The following KCNS3 variants were observed in gnomAD, a reference collection of about 807,000 sequenced individuals.
KCNS3 encodes the protein delayed-rectifier potassium channel regulatory subunit KCNS3.
KCNS3 carries 13 observed loss-of-function variants against 31.0 expected under a neutral mutation model. The observed-to-expected ratio is 0.42, with a 90% CI of 0.27 to 0.67. The LOEUF is 0.67. Ranked by LOEUF, KCNS3 falls within the 30% of genes least tolerant of loss-of-function variation. KCNS3 has a pLI of 0.25. For missense variants in KCNS3, 545 were observed against 622.4 expected (o/e 0.88, Z 1.32); for synonymous variants, 238 against 241.5 (o/e 0.99, Z 0.13).
chr2:17,930,200 G>A (rs770857870), intron 2 of KCNS3, among the ~76,000 whole-genome samples: 2 of 152,162 alleles, frequency 1.3e-5, no homozygotes, highest in Non-Finnish European at 2.9e-5. Flanking sequence ...AGTGGAGCGG[G>A]TTTGTGTCAG....
At chr2:17,908,734 C>T (rs1308140342) in intron 1 of KCNS3, among the ~76,000 whole-genome samples, 1 of 152,194 alleles carries the variant, frequency 6.6e-6, no homozygotes, top group Non-Finnish European at 1.5e-5. Flanking sequence ...ACTCCAGACC[C>T]TATTTGCCTG....
chr2:17,878,841 C>G (rs939949647), intron 1 of KCNS3, 35 bp downstream of exon 1: 2 of 152,460 alleles, frequency 1.3e-5, no homozygotes, highest in African/African-American at 4.8e-5. Flanking sequence ...CCTGCGCGCT[C>G]CGGAGACTTC....
chr2:17,905,699 T>C (rs898345645), intron 1 of KCNS3, among the ~76,000 whole-genome samples: 1 of 152,240 alleles, frequency 6.6e-6, no homozygotes. Context: ...AAAGGCCTTT[T>C]CTGCATCTAT....
At position 17,888,653 on chromosome 2, in the gene KCNS3, A is replaced by ATATATC. The variant is rs1558447024; in HGVS notation, c.-252+9852_-252+9853insCTATAT. On this transcript the variant is annotated intron_variant, in intron 1 of 2. Coordinates refer to ENST00000304101, the MANE Select transcript of KCNS3 (RefSeq NM_002252.5). ...TGTATATATATATATATATATATAT[A>ATATATC]TATATATATATATATATATAAAGAA... is the stretch of plus-strand genomic sequence containing the variant. 3.7e-4 allele frequency among the ~76,000 whole-genome samples: 50 copies of ATATATC among 134,196 alleles called. No individual in the cohort carries two copies. In the East Asian group the frequency reaches 0.01, roughly 28 times the overall value. 88.0% of individuals were successfully genotyped at this position (134,196 alleles called of 152,430 possible). A position where few individuals can be genotyped will look rare whatever the true frequency, so the allele number is the denominator to read the frequency against.
chr2:17,908,059 G>C (rs940497204), intron 1 of KCNS3, among the ~76,000 whole-genome samples: 2 of 152,114 alleles, frequency 1.3e-5, no homozygotes, highest in African/African-American at 2.4e-5. Context: ...GAGTGTTTTC[G>C]AACTTGGTTC....
chr2:17,907,496 C>G (rs555255712), intron 1 of KCNS3, among the ~76,000 whole-genome samples: 104 of 152,232 alleles, frequency 6.8e-4, no homozygotes, highest in Middle Eastern at 3.4e-3. Context: ...ATTTGATCCA[C>G]TCCTTATGAT....
At chr2:17,892,896 T>A (rs1661893453) in intron 1 of KCNS3, among the ~76,000 whole-genome samples, 2 of 152,314 alleles carry the variant, frequency 1.3e-5, no homozygotes, top group South Asian at 2.1e-4. Context: ...ATGCTCTATT[T>A]TTTTACTGGT....
At chr2:17,887,796 GT>G (rs1661714188) in intron 1 of KCNS3, among the ~76,000 whole-genome samples, 1 of 152,160 alleles carries the variant, frequency 6.6e-6, no homozygotes, top group Non-Finnish European at 1.5e-5. Context: ...CACCAGCAGT[GT>G]AGAAGTGTCC....
At chr2:17,878,469 C>T (rs563812554), upstream of KCNS3, among the ~76,000 whole-genome samples, 2 of 151,930 alleles carry the variant, frequency 1.3e-5, no homozygotes, top group Non-Finnish European at 2.9e-5. Context: ...GTCCGCCTGT[C>T]TGGCGGTCGG....
At chr2:17,900,837 C>T (rs1315478807) in intron 1 of KCNS3, among the ~76,000 whole-genome samples, 1 of 152,124 alleles carries the variant, frequency 6.6e-6, no homozygotes, top group African/African-American at 2.4e-5. Context: ...TGGTTTGTGA[C>T]AGGCAAGGCT....
chr2:17,910,280 C>T (rs4637119), intron 1 of KCNS3, among the ~76,000 whole-genome samples: 36,689 of 152,090 alleles, frequency 0.24, 5,008 homozygotes, highest in East Asian at 0.46. Flanking sequence ...GGATATGAAG[C>T]TATTCATACT....
intron 1 of KCNS3, among the ~76,000 whole-genome samples, chr2:17,881,432 AT>A (rs1418123146): frequency 6.6e-6 from 1 of 152,116 alleles, no homozygotes; most frequent in East Asian, 1.9e-4. Context: ...TTGACATGTC[AT>A]TTTGCTAATC....
intron 1 of KCNS3, among the ~76,000 whole-genome samples, chr2:17,881,625 ACTT>A (rs1674645327): frequency 6.6e-6 from 1 of 152,230 alleles, no homozygotes; most frequent in Admixed American, 6.5e-5. Flanking sequence ...AAACTGAGTA[ACTT>A]GTACAAGGTC....
At position 17,931,793 on chromosome 2, in the gene KCNS3, C is replaced by G; in HGVS notation, c.785C>G (p.Ser262Cys). ...CCTCTGAACATCATTGACTTTGTCT[C>G]TATTATTCCCTTCTATGCCACGTTG... is the stretch of plus-strand genomic sequence containing the variant. Reference protein sequence around the residue: ...KNPLNIIDFVSIIPFYATLAV... With the variant: ...KNPLNIIDFVCIIPFYATLAV... Residue 262 changes from serine to cysteine, a missense_variant, in exon 3 of 3, where the codon TCT (serine) becomes TGT (cysteine). Ser to Cys is a moderately radical substitution (Grantham distance 112). Transcript: ENST00000304101. The surrounding 1 kb of genome is among the most constrained non-coding windows in gnomAD (Gnocchi z 5.4). 1.2e-6 allele frequency: 2 copies of G among 1,614,146 alleles called. No individual in the cohort carries two copies. Among genetic ancestry groups the G allele is most frequent in the Non-Finnish European group, 1.7e-6 (2 of 1,180,014 alleles).
Position 17,932,108 on chromosome 2 carries a change from G to A in KCNS3, c.1100G>A (p.Ser367Asn), listed in dbSNP as rs1663008681. Residue 367 changes from serine to asparagine, a missense_variant, in exon 3 of 3, where the codon AGC becomes AAC. By Grantham distance (46) the Ser-to-Asn change is conservative (BLOSUM62 1). Coordinates refer to ENST00000304101, the MANE Select transcript of KCNS3 (RefSeq NM_002252.5). ...IPICWWWATI[S>N]MTTVGYGDTH... is the part of the protein sequence containing the mutation. ...ATCTGCTGGTGGTGGGCCACCATCA[G>A]CATGACAACTGTGGGCTATGGAGAC... is the stretch of plus-strand genomic sequence containing the variant. 6.2e-7 allele frequency: 1 copy of A among 1,613,926 alleles called. No individual in the cohort carries two copies.
chr2:17,894,091 G>T (rs745759879), intron 1 of KCNS3, among the ~76,000 whole-genome samples: 1 of 151,838 alleles, frequency 6.6e-6, no homozygotes, highest in Non-Finnish European at 1.5e-5. Flanking sequence ...CACATCAATG[G>T]AGTTAAGAAT....
At chr2:17,879,861 G>A (rs1381718265) in intron 1 of KCNS3, among the ~76,000 whole-genome samples, 1 of 152,208 alleles carries the variant, frequency 6.6e-6, no homozygotes, top group Non-Finnish European at 1.5e-5. Flanking sequence ...GCCCTGGTTT[G>A]GTGCCAAGGC....
At position 17,932,572 on chromosome 2, in the gene KCNS3, T is replaced by G; in HGVS notation, c.*88T>G. 3 of 1,375,026 alleles carry G rather than the reference T, an allele frequency of 2.2e-6. No homozygotes were observed. In the South Asian group the frequency reaches 4.3e-5, roughly 20 times the overall value. The allele number at this position is 1,375,026 out of a possible 1,614,324, so 85.2% of individuals were successfully genotyped here. ...AACCTCAGTGGGTTCGTTAAAATCATTTAATTCTCAGGGTGTACCTTTCAG... is the reference window on the plus strand; with the variant it reads ...AACCTCAGTGGGTTCGTTAAAATCAGTTAATTCTCAGGGTGTACCTTTCAG... On this transcript the variant is annotated 3_prime_UTR_variant, in exon 3 of 3. Transcript: ENST00000304101.
chr2:17,881,969 A>C (rs1333047094), intron 1 of KCNS3, among the ~76,000 whole-genome samples: 1 of 152,258 alleles, frequency 6.6e-6, no homozygotes, highest in East Asian at 1.9e-4. Flanking sequence ...ATCATGGGCC[A>C]GGGAAACATT....
Sources: gnomAD v4.1 joint callset for allele counts (sites outside exome capture counted in the v4.1 genomes callset) on GRCh38, gnomAD v4.1.1 for gene constraint, Gnocchi (gnomAD v3.1) non-coding constraint, MANE v1.5 for transcripts, NCBI Gene and HGNC (gene_info 2026-07-23, HGNC 2026-07-21) for gene names.